Variants in SATB2 observed in about 807,000 individuals in gnomAD.
SATB2 encodes SATB homeobox 2, also known as DNA-binding protein SATB2.
Under a neutral mutation model 73.4 loss-of-function variants are expected in SATB2, and 1 was observed. That is an observed-to-expected ratio of 0.01 (90% CI 0.00 to 0.06). The LOEUF is 0.06. SATB2 is among the 10% of genes least tolerant of loss of function. SATB2 has a pLI of 1.00. For synonymous variants in SATB2, 397 were observed against 367.0 expected (o/e 1.08, Z -0.93); for missense variants, 459 against 945.8 (o/e 0.49, Z 6.75).
intron 7 of SATB2, among the ~76,000 whole-genome samples, chr2:199,337,440 T>C (rs1688367738): frequency 6.6e-6 from 1 of 152,214 alleles, no homozygotes; most frequent in South Asian, 2.1e-4. Flanking sequence ...CTTTCTATTA[T>C]GAATTGGAAT....
chr2:199,377,365 G>A (rs1213610846), intron 5 of SATB2, among the ~76,000 whole-genome samples: 3 of 152,056 alleles, frequency 2.0e-5, no homozygotes, highest in Non-Finnish European at 2.9e-5. Context: ...GTGACAGAGC[G>A]AAATTCTGTC....
chr2:199,272,476 T>A lies in SATB2; in HGVS notation c.1937A>T (p.His646Leu). ...GAGATCCAGCTGAGCCGAAAGAGTG[T>A]GGATGGCTTCCTGGTCTGGGTACAG... ...VGLYPDQEAI[H>L]TLSAQLDLPK... is the part of the protein sequence containing the mutation. Residue 646 changes from histidine (H) to leucine (L), a missense_variant, in exon 11 of 11, where the codon CAC (histidine) becomes CTC (leucine). Transcript: ENST00000417098. The surrounding 1 kb of genome is among the most constrained non-coding windows in gnomAD (Gnocchi z 6.7). 1 of 1,614,196 alleles carries A rather than the reference T, an allele frequency of 6.2e-7. No individual in the cohort carries two copies. Among genetic ancestry groups the A allele is most frequent in the Non-Finnish European group, 8.5e-7 (1 of 1,180,026 alleles).
intron 3 of SATB2, among the ~76,000 whole-genome samples, chr2:199,383,382 C>A (rs1202550472): frequency 6.6e-6 from 1 of 152,216 alleles, no homozygotes; most frequent in Non-Finnish European, 1.5e-5. Context: ...CAGCCACCCA[C>A]GAGAGAGTGG....
chr2:199,429,811 A>C (rs1391447172), intron 3 of SATB2, among the ~76,000 whole-genome samples: 1 of 152,152 alleles, frequency 6.6e-6, no homozygotes, highest in Non-Finnish European at 1.5e-5. Context: ...TTGGGAGCCT[A>C]AGGCAGGAGA....
intron 3 of SATB2, among the ~76,000 whole-genome samples, chr2:199,389,336 T>A (rs1361771117): frequency 6.6e-6 from 1 of 152,148 alleles, no homozygotes; most frequent in African/African-American, 2.4e-5. Context: ...CTATATATAT[T>A]TCAACTGGCT....
At chr2:199,283,249 A>ATTTTTT (rs58013191) in intron 10 of SATB2, among the ~76,000 whole-genome samples, 2 of 136,824 alleles carry the variant, frequency 1.5e-5, no homozygotes, top group Non-Finnish European at 1.5e-5. Context: ...ATGCCTAGCT[A>ATTTTTT]TTTTTTTTTT....
chr2:199,356,244 A>AAAG (rs1553491660), intron 6 of SATB2, among the ~76,000 whole-genome samples: 3 of 151,544 alleles, frequency 2.0e-5, no homozygotes, highest in Admixed American at 6.6e-5. Context: ...AAAAAAAAAA[A>AAAG]AAAGAAAGAA....
intron 3 of SATB2, among the ~76,000 whole-genome samples, chr2:199,417,081 AAAAT>A (rs1207833015): frequency 2.6e-5 from 4 of 151,854 alleles, no homozygotes; most frequent in South Asian, 2.1e-4. Flanking sequence ...CTCACAAAAA[AAAAT>A]AAATAAAATA....
At chr2:199,294,763 T>C (rs1214507575) in intron 10 of SATB2, among the ~76,000 whole-genome samples, 1 of 152,252 alleles carries the variant, frequency 6.6e-6, no homozygotes, top group Non-Finnish European at 1.5e-5. Context: ...ACTGCACTTA[T>C]GCAGTACATG....
intron 2 of SATB2, among the ~76,000 whole-genome samples, chr2:199,440,476 A>C (rs1227809683): frequency 6.6e-5 from 10 of 152,248 alleles, no homozygotes; most frequent in Non-Finnish European, 1.3e-4. Flanking sequence ...TATTTCAAAT[A>C]AATTTCTCAT....
intron 3 of SATB2, among the ~76,000 whole-genome samples, chr2:199,424,654 G>A (rs902193769): frequency 3.3e-5 from 5 of 152,046 alleles, no homozygotes; most frequent in African/African-American, 1.2e-4. Flanking sequence ...TCACAATTTT[G>A]CAAATAACTG....
intron 5 of SATB2, among the ~76,000 whole-genome samples, chr2:199,372,118 C>T (rs944391305): frequency 6.6e-6 from 1 of 151,976 alleles, no homozygotes; most frequent in African/African-American, 2.4e-5. Flanking sequence ...AATGTCTTTC[C>T]AACTACAGAA....
chr2:199,295,492 A>T (rs1225489564), intron 10 of SATB2, among the ~76,000 whole-genome samples: 2 of 152,100 alleles, frequency 1.3e-5, no homozygotes, highest in Non-Finnish European at 2.9e-5. Context: ...GGCCAGTTTC[A>T]CGCTGCCAAT....
At chr2:199,319,100 C>A (rs1466328456) in intron 9 of SATB2, among the ~76,000 whole-genome samples, 1 of 151,474 alleles carries the variant, frequency 6.6e-6, no homozygotes, top group Non-Finnish European at 1.5e-5. Flanking sequence ...CATACTGAAA[C>A]CCAATCACCA....
intron 6 of SATB2, among the ~76,000 whole-genome samples, chr2:199,356,567 T>A (rs1688991374): frequency 6.6e-6 from 1 of 152,172 alleles, no homozygotes; most frequent in Admixed American, 6.6e-5. Flanking sequence ...ATTTAAAAAA[T>A]GTGCTCTAGG....
intron 3 of SATB2, among the ~76,000 whole-genome samples, chr2:199,418,714 A>T (rs1226445647): frequency 6.6e-6 from 1 of 152,228 alleles, no homozygotes; most frequent in Non-Finnish European, 1.5e-5. Context: ...TAGAAAATGT[A>T]CCCAAAAAGA....
intron 10 of SATB2, among the ~76,000 whole-genome samples, chr2:199,280,107 A>G (rs1301401169): frequency 6.6e-6 from 1 of 152,228 alleles, no homozygotes; most frequent in Non-Finnish European, 1.5e-5. Flanking sequence ...TGGATTGTGA[A>G]GATTTCATGG....
At chr2:199,421,672 T>C (rs992628728) in intron 3 of SATB2, among the ~76,000 whole-genome samples, 3 of 152,258 alleles carry the variant, frequency 2.0e-5, no homozygotes, top group East Asian at 3.9e-4. Flanking sequence ...ATGAACAAAA[T>C]GTGGGTAAGA....
At chr2:199,451,803 T>C (rs2105951815) in intron 2 of SATB2, among the ~76,000 whole-genome samples, 1 of 152,190 alleles carries the variant, frequency 6.6e-6, no homozygotes, top group East Asian at 1.9e-4. Flanking sequence ...TGACTAACAA[T>C]CTTGATCACA....
Sources: gnomAD v4.1 joint callset for allele counts (sites outside exome capture counted in the v4.1 genomes callset) on GRCh38, gnomAD v4.1.1 for gene constraint, Gnocchi (gnomAD v3.1) non-coding constraint, MANE v1.5 for transcripts, NCBI Gene and HGNC (gene_info 2026-07-23, HGNC 2026-07-21) for gene names.